Variants in CADPS2 observed in about 807,000 individuals in gnomAD.
CADPS2 encodes calcium dependent secretion activator 2.
Under a neutral mutation model 172.5 loss-of-function variants are expected in CADPS2, and 93 were observed. The observed-to-expected ratio is 0.54, with a 90% CI of 0.46 to 0.64. The LOEUF (loss-of-function observed/expected upper bound fraction) is 0.64, where lower values mean the gene tolerates loss of function less well. Among genes scored for constraint, CADPS2 ranks in the 30% least tolerant of loss-of-function variants. The pLI is 0.00. For missense variants in CADPS2, 1,420 were observed against 1,565.9 expected (o/e 0.91, Z 1.57); for synonymous variants, 546 against 555.2 (o/e 0.98, Z 0.23).
intron 2 of CADPS2, among the ~76,000 whole-genome samples, chr7:122,734,614 T>A (rs933491220): frequency 6.6e-6 from 1 of 151,828 alleles, no homozygotes; most frequent in Non-Finnish European, 1.5e-5. Flanking sequence ...AAATAAAACA[T>A]AAAGATCATG....
intron 1 of CADPS2, among the ~76,000 whole-genome samples, chr7:122,839,968 G>A (rs1195556654): frequency 6.6e-6 from 1 of 152,178 alleles, no homozygotes; most frequent in Non-Finnish European, 1.5e-5. Context: ...CCTCTATAAA[G>A]AGACATGCAC....
intron 7 of CADPS2, among the ~76,000 whole-genome samples, chr7:122,557,798 C>G (rs907717963): frequency 1.2e-4 from 18 of 152,210 alleles, no homozygotes; most frequent in Non-Finnish European, 1.6e-4. Context: ...CAGTATAGAA[C>G]TGTTGCTAGT....
At chr7:122,775,984 A>G (rs962506116) in intron 1 of CADPS2, among the ~76,000 whole-genome samples, 8 of 151,000 alleles carry the variant, frequency 5.3e-5, no homozygotes, top group Admixed American at 3.3e-4. Context: ...ATTTTTTTCT[A>G]GAGAAGTTAG....
intron 25 of CADPS2, among the ~76,000 whole-genome samples, chr7:122,373,398 A>AT (rs1202456454): frequency 6.6e-6 from 1 of 152,064 alleles, no homozygotes; most frequent in Non-Finnish European, 1.5e-5. Flanking sequence ...TTCTCAGGTA[A>AT]TTTTTTTGTG....
chr7:122,477,639 T>C (rs1270550863), intron 12 of CADPS2, among the ~76,000 whole-genome samples: 1 of 150,418 alleles, frequency 6.6e-6, no homozygotes, highest in African/African-American at 2.5e-5. Flanking sequence ...ACAGATGTAA[T>C]ACGGCTGAAA....
intron 1 of CADPS2, among the ~76,000 whole-genome samples, chr7:122,885,279 C>G (rs1221993714): frequency 6.6e-6 from 1 of 151,976 alleles, no homozygotes; most frequent in Non-Finnish European, 1.5e-5. Flanking sequence ...ATTTTGTTCC[C>G]CAAAAAAGCA....
intron 2 of CADPS2, among the ~76,000 whole-genome samples, chr7:122,682,743 C>G (rs926432380): frequency 6.6e-6 from 1 of 152,120 alleles, no homozygotes; most frequent in African/African-American, 2.4e-5. Context: ...TGAGGAGACC[C>G]GAGAGTTCAA....
At chr7:122,722,921 C>A (rs561396409) in intron 2 of CADPS2, among the ~76,000 whole-genome samples, 29 of 152,010 alleles carry the variant, frequency 1.9e-4, no homozygotes, top group Admixed American at 3.3e-4. Flanking sequence ...CAAAAACAAG[C>A]AATGGGTAAA....
chr7:122,400,178 G>A (rs2045763758), intron 20 of CADPS2, among the ~76,000 whole-genome samples: 3 of 151,546 alleles, frequency 2.0e-5, no homozygotes, highest in South Asian at 2.1e-4. Context: ...GCTCACGCCT[G>A]TAATCCCAGC....
At chr7:122,649,625 T>C (rs2078923507) in intron 3 of CADPS2, among the ~76,000 whole-genome samples, 2 of 152,142 alleles carry the variant, frequency 1.3e-5, no homozygotes, top group South Asian at 4.1e-4. Flanking sequence ...ACTAAAGAAA[T>C]CCATGCCAAC....
At chr7:122,838,956 A>G (rs1809479602) in intron 1 of CADPS2, among the ~76,000 whole-genome samples, 1 of 152,224 alleles carries the variant, frequency 6.6e-6, no homozygotes, top group Non-Finnish European at 1.5e-5. Flanking sequence ...ACCAAAAAAG[A>G]GCCTGTATTG....
At chr7:122,482,022 C>G (rs1415945166) in intron 11 of CADPS2, among the ~76,000 whole-genome samples, 1 of 152,108 alleles carries the variant, frequency 6.6e-6, no homozygotes, top group African/African-American at 2.4e-5. Context: ...GAGGCAGACT[C>G]TGTCTAAAAA....
At chr7:122,533,782 T>C (rs1215583528) in intron 8 of CADPS2, among the ~76,000 whole-genome samples, 1 of 152,138 alleles carries the variant, frequency 6.6e-6, no homozygotes, top group Non-Finnish European at 1.5e-5. Context: ...CTGGAAGTGT[T>C]TCACAATGTT....
At chr7:122,610,406 T>C (rs540901442) in intron 6 of CADPS2, among the ~76,000 whole-genome samples, 2 of 150,796 alleles carry the variant, frequency 1.3e-5, no homozygotes, top group South Asian at 2.1e-4. Context: ...CAATTAAATA[T>C]AAGATTCTGT....
chr7:122,567,227 G>A (rs984308124), intron 7 of CADPS2, among the ~76,000 whole-genome samples: 1 of 152,014 alleles, frequency 6.6e-6, no homozygotes, highest in Admixed American at 6.6e-5. Flanking sequence ...TCAAAATTCA[G>A]CTGAACATAA....
chr7:122,863,143 A>G (rs1817400429), intron 1 of CADPS2, among the ~76,000 whole-genome samples: 1 of 152,194 alleles, frequency 6.6e-6, no homozygotes, highest in Admixed American at 6.5e-5. Context: ...TGCTGGTGAC[A>G]TTGTTTTTCA....
At chr7:122,657,084 G>T (rs1359773417) in intron 3 of CADPS2, among the ~76,000 whole-genome samples, 1 of 152,098 alleles carries the variant, frequency 6.6e-6, no homozygotes, top group Non-Finnish European at 1.5e-5. Flanking sequence ...CCCATTTCTT[G>T]TTTTTGTCAG....
Position 122,318,586 on chromosome 7 carries a change from G to GT in CADPS2, c.*1578dup, listed in dbSNP as rs2031779464. On this transcript the variant is annotated 3_prime_UTR_variant, in exon 30 of 30. Transcript: ENST00000449022. The stretch of plus-strand genomic sequence containing the variant: ...GGGTTTGGAGAAAATAGTATTTGGT[G>GT]TGTGAATAGAGAAGAAAAGGAGGGA... 6.6e-6 allele frequency: 1 copy of GT among 152,190 alleles called. No homozygotes were observed. Among genetic ancestry groups the GT allele is most frequent in the Non-Finnish European group, 1.5e-5 (1 of 68,038 alleles). 9.4% of individuals were successfully genotyped at this position (152,190 alleles called of 1,614,324 possible). A position where few individuals can be genotyped will look rare whatever the true frequency, so the allele number is the denominator to read the frequency against.
At chr7:122,351,368 G>A (rs529410089) in intron 27 of CADPS2, among the ~76,000 whole-genome samples, 84 of 17,052 alleles carry the variant, frequency 4.9e-3, no homozygotes, top group Non-Finnish European at 5.6e-3. Flanking sequence ...GCGAGACTCC[G>A]TCTCAAAAAA....
Sources: allele counts gnomAD v4.1 joint callset (sites outside exome capture counted in the v4.1 genomes callset), GRCh38; gene constraint gnomAD v4.1.1; transcripts MANE v1.5; gene names NCBI Gene and HGNC (gene_info 2026-07-23, HGNC 2026-07-21).